Variants in RTN4 observed in about 807,000 individuals in gnomAD.
RTN4 encodes reticulon-4.
In RTN4, 32 loss-of-function variants were observed where a neutral mutation model predicts 90.4. The observed-to-expected ratio is 0.35, with a 90% CI of 0.27 to 0.48. RTN4 has a LOEUF of 0.48. Among genes scored for constraint, RTN4 ranks in the 20% least tolerant of loss-of-function variants. The pLI is 0.99. For synonymous variants in RTN4, 629 were observed against 552.5 expected (o/e 1.14, Z -1.94); for missense variants, 1,706 against 1,430.2 (o/e 1.19, Z -3.11).
At chr2:55,066,193 T>TGTGTTTGTG (rs1668389176) in intron 2 of RTN4, among the ~76,000 whole-genome samples, 23 of 111,048 alleles carry the variant, frequency 2.1e-4, no homozygotes, top group African/African-American at 3.3e-4. Flanking sequence ...GTGTGTGTGT[T>TGTGTTTGTG]TGTGTGTGTG....
chr2:55,081,302 C>T (rs1668710571), intron 1 of RTN4, among the ~76,000 whole-genome samples: 2 of 152,112 alleles, frequency 1.3e-5, no homozygotes, highest in African/African-American at 4.8e-5. Flanking sequence ...GGCTCGAACT[C>T]CTGGGCTCAA....
At chr2:55,049,469 T>A (rs1183404762) in intron 1 of RTN4, 1 of 484,350 alleles carries the variant, frequency 2.1e-6, no homozygotes, top group East Asian at 3.8e-5. Context: ...CTTCCGAGAA[T>A]CCGTACGCTG....
intron 2 of RTN4, among the ~76,000 whole-genome samples, chr2:55,056,179 A>C (rs746671338): frequency 2.1e-4 from 32 of 152,136 alleles, no homozygotes; most frequent in Admixed American, 1.4e-3. Context: ...GCATGATGAA[A>C]TCTCAAGCAG....
chr2:55,005,143 A>T (rs193202966), intron 3 of RTN4, among the ~76,000 whole-genome samples: 2 of 152,372 alleles, frequency 1.3e-5, no homozygotes, highest in Admixed American at 1.3e-4. Flanking sequence ...CCTTTCAAAC[A>T]TCCAGGATAG....
intron 3 of RTN4, among the ~76,000 whole-genome samples, chr2:55,015,812 G>A (rs1680991655): frequency 6.6e-6 from 1 of 152,206 alleles, no homozygotes; most frequent in South Asian, 2.1e-4. Flanking sequence ...TGTACTTTCT[G>A]CATTTTGTAT....
rs187177704 is a variant in RTN4 at position 55,103,521 on chromosome 2, G to A, written c.-214+8999C>T. Among the ~76,000 whole-genome samples, 7 of 151,926 alleles carry A rather than the reference G, an allele frequency of 4.6e-5. No homozygotes were observed. In the East Asian group the frequency reaches 1.3e-3, roughly 29 times the overall value. On this transcript the variant is annotated intron_variant, in intron 1 of 3. Transcript: ENST00000427710. ...AAAATTAATAATATTAATAATAAAG[G>A]GGCTGGGAGAAAACTTTAGGAGGTG...
At chr2:55,099,360 A>C (rs72914518) in intron 1 of RTN4, among the ~76,000 whole-genome samples, 1 of 152,076 alleles carries the variant, frequency 6.6e-6, no homozygotes, top group Non-Finnish European at 1.5e-5. Flanking sequence ...ACTGATGTCA[A>C]AACTGTGACA....
intron 1 of RTN4, among the ~76,000 whole-genome samples, chr2:55,106,897 A>C (rs1465750406): frequency 6.6e-6 from 1 of 152,186 alleles, no homozygotes; most frequent in Non-Finnish European, 1.5e-5. Context: ...AGTGAACCAA[A>C]AGACAGTACA....
At position 55,025,086 on chromosome 2, in the gene RTN4, C is replaced by T. The variant is rs1681717898; in HGVS notation, c.3013G>A (p.Val1005Ile). ...CAAAACTGCATATAGATTGGATTAC[C>T]TGAAGTTTTACTCAGCTCTGCTGAA... ...IFSAELSKTS[V>I]VDLLYWRDIK... Residue 1005 changes from valine to isoleucine, a missense_variant and splice_region_variant, in exon 3 of 9, where the codon GTT becomes ATT. Transcript: ENST00000337526. 1 of 1,593,124 alleles carries T rather than the reference C, an allele frequency of 6.3e-7. No homozygotes were observed. The highest frequency in any genetic ancestry group is 1.4e-5 in the African/African-American group (1 of 73,842).
At position 55,066,193 on chromosome 2, in the gene RTN4, TTG is replaced by T. The variant is rs57202019; in HGVS notation, c.-63+14294_-63+14295del. Among the ~76,000 whole-genome samples, 406 of 111,028 alleles carry T rather than the reference TTG, an allele frequency of 3.7e-3. 4 individuals carry two copies. The highest frequency in any genetic ancestry group is 7.7e-3 in the East Asian group (15 of 1,940). 72.8% of individuals were successfully genotyped at this position (111,028 alleles called of 152,430 possible). ...TTTGTGTGTGTGTGTGTGTGTGTGT[TTG>T]TGTGTGTGTGTGTGTGTGTGTGTGT... On this transcript the variant is annotated intron_variant, in intron 2 of 3. Coordinates refer to the RTN4 transcript ENST00000427710.
chr2:55,012,986 A>T (rs965982996), intron 3 of RTN4, among the ~76,000 whole-genome samples: 2 of 152,178 alleles, frequency 1.3e-5, no homozygotes, highest in African/African-American at 2.4e-5. Context: ...CCTAACTTTT[A>T]AAAAAATTAA....
At chr2:55,048,500 A>ATT (rs138542213) in intron 1 of RTN4, among the ~76,000 whole-genome samples, 4 of 149,104 alleles carry the variant, frequency 2.7e-5, no homozygotes, top group Admixed American at 2.0e-4. Context: ...GCTTTTTTCT[A>ATT]TTTTTTTTTT....
At chr2:55,120,832 A>C in the RTN4 span, among the ~76,000 whole-genome samples, 2 of 152,200 alleles carry the variant, frequency 1.3e-5, no homozygotes, top group Non-Finnish European at 2.9e-5. Flanking sequence ...CCTGGCTCAG[A>C]GATTAAGAAA....
At position 55,049,756 on chromosome 2, in the gene RTN4, G is replaced by T; in HGVS notation, c.545C>A (p.Ser182Ter). 1 of 1,346,752 alleles carries T rather than the reference G, an allele frequency of 7.4e-7. No individual in the cohort carries two copies. Among genetic ancestry groups the T allele is most frequent in the Admixed American group, 3.6e-5 (1 of 27,476 alleles). The allele number at this position is 1,346,752 out of a possible 1,614,324, so 83.4% of individuals were successfully genotyped here. Residue 182 changes from serine to a stop codon, truncating the protein, a stop_gained, in exon 1 of 9, where the codon TCG (serine) becomes TAG (stop). Transcript: ENST00000337526. LOFTEE classifies it high-confidence loss of function. ...GTCGCGGCACTCACCCACTGAGCCC[G>T]AGGAGCCCCTGCGCTTGGGCGCGGC... ...TPAAPKRRGS[S>*]GSVDETLFAL...
Position 54,972,924 on chromosome 2 carries a change from G to T in RTN4, c.*232C>A. 3 of 369,444 alleles carry T rather than the reference G, an allele frequency of 8.1e-6. No individual in the cohort carries two copies. Among genetic ancestry groups the T allele is most frequent in the Non-Finnish European group, 1.5e-5 (3 of 206,092 alleles). The allele number at this position is 369,444 out of a possible 1,614,324, so 22.9% of individuals were successfully genotyped here. A position where few individuals can be genotyped will look rare whatever the true frequency, so the allele number is the denominator to read the frequency against. On this transcript the variant is annotated 3_prime_UTR_variant, in exon 9 of 9. Coordinates refer to ENST00000337526, the MANE Select transcript of RTN4 (RefSeq NM_020532.5). Reference sequence around the variant, plus strand: ...CCTCAGATAGATAGGAAAAAGATATGATTACGGTTTAAATCCATACATAGC... The same window carrying T: ...CCTCAGATAGATAGGAAAAAGATATTATTACGGTTTAAATCCATACATAGC...
intron 2 of RTN4, among the ~76,000 whole-genome samples, chr2:55,077,321 T>C (rs946059230): frequency 1.3e-5 from 2 of 152,084 alleles, no homozygotes; most frequent in African/African-American, 4.8e-5. Flanking sequence ...CCTAGGGCAG[T>C]TCTCTATAGC....
rs1200664120 is a variant in RTN4, at chr2:55,010,038, TTAG to T, written c.3013+15045_3013+15047del. 3.2e-6 allele frequency: 5 copies of T among 1,577,460 alleles called. No individual in the cohort carries two copies. In the African/African-American group the frequency reaches 6.8e-5, roughly 21 times the overall value. ...TCCAAAGCTTATTCATAGAAATATA[TTAG>T]TGGTCACATATAAAAACTGAATAAG... On this transcript the variant is annotated intron_variant, in intron 3 of 8. Coordinates refer to ENST00000337526, the MANE Select transcript of RTN4 (RefSeq NM_020532.5).
chr2:54,994,902 C>A (rs1359348783), intron 3 of RTN4, among the ~76,000 whole-genome samples: 1 of 152,138 alleles, frequency 6.6e-6, no homozygotes, highest in East Asian at 1.9e-4. Flanking sequence ...TTTATATAAA[C>A]AAGACTTCAT....
chr2:55,102,766 G>A (rs1044990691), intron 1 of RTN4, among the ~76,000 whole-genome samples: 2 of 152,170 alleles, frequency 1.3e-5, no homozygotes, highest in Middle Eastern at 3.4e-3. Flanking sequence ...AAAACAATTT[G>A]TAAGACAAAA....
Sources: gnomAD v4.1 joint callset for allele counts (sites outside exome capture counted in the v4.1 genomes callset) on GRCh38, gnomAD v4.1.1 for gene constraint, MANE v1.5 for transcripts, NCBI Gene and HGNC (gene_info 2026-07-23, HGNC 2026-07-21) for gene names.